Variants in HTR3D observed in about 807,000 individuals in gnomAD.
HTR3D encodes 5-hydroxytryptamine (serotonin) receptor 3 family member D.
A neutral mutation model predicts 45.8 loss-of-function variants in HTR3D; 47 were observed. The observed-to-expected ratio is 1.03, with a 90% CI of 0.81 to 1.31. HTR3D has a LOEUF of 1.31. Ranked by LOEUF, HTR3D falls within the 50% of genes most tolerant of loss-of-function variation. The pLI, the probability that HTR3D is intolerant of heterozygous loss-of-function variation, is 0.00. For missense variants in HTR3D, 448 were observed against 506.9 expected (o/e 0.88, Z 1.12); for synonymous variants, 203 against 199.8 (o/e 1.02, Z -0.13).
Position 184,039,089 on chromosome 3 carries a change from A to G in HTR3D, c.*114A>G. The G allele has an allele frequency of 8.8e-7, 1 of 1,139,670 alleles. No homozygotes were observed. The allele number at this position is 1,139,670 out of a possible 1,614,324, so 70.6% of individuals were successfully genotyped here. On this transcript the variant is annotated 3_prime_UTR_variant, in exon 8 of 8. Transcript: ENST00000428798. ...CTGTCAACCGCCTCATTTTTAACCC[A>G]GTCCTCTGTGTAGTTTCAGACCAGA...
In HTR3D at chr3:184,039,250, A is replaced by G. The variant is rs531967722; in HGVS notation, c.*275A>G. 6.0e-5 allele frequency: 22 copies of G among 367,242 alleles called. No individual in the cohort carries two copies. The highest frequency in any genetic ancestry group is 2.9e-4 in the African/African-American group (14 of 47,868). The allele number at this position is 367,242 out of a possible 1,614,324, so 22.7% of individuals were successfully genotyped here. On this transcript the variant is annotated 3_prime_UTR_variant, in exon 8 of 8. Transcript: ENST00000428798. ...GTACGTCCTTGATTAAATCACCCCA[A>G]TATGCCCCTTTGCAGAAAGTATTGG...
chr3:184,037,247 C>T (rs975340202), intron 5 of HTR3D, among the ~76,000 whole-genome samples: 2 of 152,004 alleles, frequency 1.3e-5, no homozygotes, highest in Non-Finnish European at 1.5e-5. Context: ...ACCACGTTCA[C>T]CAGGCCGGTC....
Position 184,038,960 on chromosome 3 carries a change from C to G in HTR3D, c.1200C>G (p.Cys400Trp). 6.2e-7 allele frequency: 1 copy of G among 1,614,144 alleles called. No homozygotes were observed. Among genetic ancestry groups the G allele is most frequent in the Non-Finnish European group, 8.5e-7 (1 of 1,180,000 alleles). The change falls in exon 8 of 8, where the codon TGC (cysteine) becomes TGG (tryptophan). Residue 400 changes from cysteine to tryptophan, a missense_variant. Cys to Trp is a radical substitution (Grantham distance 215, BLOSUM62 -2). Transcript: ENST00000428798. The surrounding 1 kb of genome is among the most constrained non-coding windows in gnomAD (Gnocchi z 4.5). ...FMASSIITVI[C>W]LWNT ...CCTCCTCCATCATCACCGTCATATG[C>G]CTCTGGAACACCTAGGCAGGTGCTC... is the stretch of plus-strand genomic sequence containing the variant.
At chr3:184,036,181 A>G in intron 3 of HTR3D, 81 bp downstream of exon 3, 3 of 1,497,076 alleles carry the variant, frequency 2.0e-6, no homozygotes, top group Non-Finnish European at 2.7e-6. Flanking sequence ...CCACACAAAG[A>G]CTCAACTTAG....
At position 184,038,452 on chromosome 3, in the gene HTR3D, G is replaced by A. The variant is rs1201720522; in HGVS notation, c.813G>A (p.Leu271=). The change falls in exon 7 of 8, where the codon CTG becomes CTA. Residue 271 remains leucine, a synonymous_variant. Coordinates refer to ENST00000428798, the MANE Select transcript of HTR3D (RefSeq NM_001145143.1). The surrounding 1 kb of genome is among the most constrained non-coding windows in gnomAD (Gnocchi z 4.5). ...GCCTGTCCCTGATGGTGGGCAGCCT[G>A]CTGGAGACCATCTTCATCACCCACC... ...ALCLSLMVGS[L]LETIFITHLL... The A allele has an allele frequency of 4.3e-6, 7 of 1,614,090 alleles. No homozygotes were observed. Among genetic ancestry groups the A allele is most frequent in the Non-Finnish European group, 5.1e-6 (6 of 1,180,002 alleles).
upstream of HTR3D, chr3:184,031,601 T>C (rs1184316087): frequency 3.2e-6 from 2 of 620,360 alleles, no homozygotes; most frequent in Non-Finnish European, 5.9e-6. Context: ...CATTCTTTTG[T>C]CACCAAGGGG....
Position 184,031,826 on chromosome 3 carries a change from A to G in HTR3D, c.66+19A>G. On this transcript the variant is annotated intron_variant, in intron 1 of 7. Coordinates refer to ENST00000428798, the MANE Select transcript of HTR3D (RefSeq NM_001145143.1). ...GCTGCAAGTACCTTAAGATAAGAGC[A>G]AGAGCTGAGCAGACATGTAACTCCT... 6 of 1,537,890 alleles carry G rather than the reference A, an allele frequency of 3.9e-6. No individual in the cohort carries two copies. Among genetic ancestry groups the G allele is most frequent in the Non-Finnish European group, 4.4e-6 (5 of 1,134,484 alleles).
rs1291322033 is a variant in HTR3D at position 184,038,292 on chromosome 3, G to A, written c.769+19G>A. 2 of 1,613,342 alleles carry A rather than the reference G, an allele frequency of 1.2e-6. No homozygotes were observed. The highest frequency in any genetic ancestry group is 1.1e-5 in the South Asian group (1 of 91,076). ...AAGCGAGGTGTGTGTTGGATGGGGA[G>A]AGGGATGGGCAGAACCAGGCGAAGT... On this transcript the variant is annotated intron_variant, in intron 6 of 7. Coordinates refer to ENST00000428798, the MANE Select transcript of HTR3D (RefSeq NM_001145143.1). This position sits in a 1 kb window ranked among gnomAD's most constrained non-coding sequence, Gnocchi z 4.5.
intron 5 of HTR3D, among the ~76,000 whole-genome samples, chr3:184,037,448 C>T (rs1722940791): frequency 6.6e-6 from 1 of 152,170 alleles, no homozygotes; most frequent in African/African-American, 2.4e-5. Context: ...GGCTCTATGC[C>T]AGTGATTCAT....
At chr3:184,033,119 A>AT (rs879211143) in intron 1 of HTR3D, 47,752 of 904,284 alleles carry the variant, frequency 0.053, 7 homozygotes, top group Non-Finnish European at 0.058. Flanking sequence ...CTCTGACTGG[A>AT]TTTTTTTTTT....
chr3:184,038,437 G>C lies in HTR3D; in HGVS notation c.798G>C (p.Leu266=). Residue 266 remains leucine (L), a synonymous_variant, in exon 7 of 8, where the codon CTG becomes CTC. Coordinates refer to ENST00000428798, the MANE Select transcript of HTR3D (RefSeq NM_001145143.1). The surrounding 1 kb of genome is among the most constrained non-coding windows in gnomAD (Gnocchi z 4.5). ...TCTACTTCGCCCTGTGCCTGTCCCT[G>C]ATGGTGGGCAGCCTGCTGGAGACCA... is the stretch of plus-strand genomic sequence containing the variant. ...RGVYFALCLS[L]MVGSLLETIF... 6.2e-7 allele frequency: 1 copy of C among 1,614,122 alleles called. No individual in the cohort carries two copies.
chr3:184,038,152 G>A lies in HTR3D; in HGVS notation c.648G>A (p.Lys216=), dbSNP rs1201565813. 6.2e-7 allele frequency: 1 copy of A among 1,614,174 alleles called. No homozygotes were observed. The highest frequency in any genetic ancestry group is 8.5e-7 in the Non-Finnish European group (1 of 1,180,024). Residue 216 remains lysine, a synonymous_variant, in exon 6 of 8, where the codon AAG becomes AAA. Transcript: ENST00000428798. This position sits in a 1 kb window ranked among gnomAD's most constrained non-coding sequence, Gnocchi z 4.5. ...PLESGNCAPF[K]MTVLLGYSVF... The stretch of plus-strand genomic sequence containing the variant: ...AAAGTGGGAATTGTGCCCCATTCAA[G>A]ATGACTGTTCTGCTGGGCTACAGCG...
intron 5 of HTR3D, 62 bp from the exon 6 acceptor site, chr3:184,037,959 T>G (rs1722954944): frequency 6.3e-7 from 1 of 1,580,610 alleles, no homozygotes; most frequent in African/African-American, 1.3e-5. Context: ...GTTCTTACTC[T>G]TACCTGTCTT....
upstream of HTR3D, chr3:184,031,569 AG>A: frequency 1.7e-6 from 1 of 577,088 alleles, no homozygotes; most frequent in Non-Finnish European, 3.2e-6. Context: ...GTTAAAGCAC[AG>A]GGTGAGTTAT....
chr3:184,032,242 C>T (rs979027338), intron 1 of HTR3D, among the ~76,000 whole-genome samples: 11 of 152,324 alleles, frequency 7.2e-5, no homozygotes, highest in Non-Finnish European at 1.2e-4. Context: ...GATCTGCCCG[C>T]GTGGGCCTCC....
chr3:184,035,275 C>T, intron 2 of HTR3D, 53 bp downstream of exon 2: 1 of 1,449,556 alleles, frequency 6.9e-7, no homozygotes, highest in Non-Finnish European at 9.5e-7. Flanking sequence ...CTCTTTTTTC[C>T]ACTCCTAGGT....
rs1037104042 is a variant in HTR3D at position 184,038,721 on chromosome 3, T to C, written c.986-25T>C. 6.4e-7 allele frequency: 1 copy of C among 1,565,462 alleles called. No homozygotes were observed. The highest frequency in any genetic ancestry group is 8.7e-7 in the Non-Finnish European group (1 of 1,154,136). On this transcript the variant is annotated intron_variant, in intron 7 of 7. Transcript: ENST00000428798. This position sits in a 1 kb window ranked among gnomAD's most constrained non-coding sequence, Gnocchi z 4.5. The stretch of plus-strand genomic sequence containing the variant: ...CTCCACAGGTGACATTTGCAGCCCA[T>C]GGCTGAGTCTCTGTCTTTCTGTAGG...
At position 184,036,862 on chromosome 3, in the gene HTR3D, T is replaced by C. The variant is rs1407978352; in HGVS notation, c.482T>C (p.Val161Ala). The C allele has an allele frequency of 6.4e-7, 1 of 1,551,576 alleles. No homozygotes were observed. Among genetic ancestry groups the C allele is most frequent in the South Asian group, 1.2e-5 (1 of 84,062 alleles). ...CAAAAAAGAACAATAAAGGTGACCG[T>C]GGCCACTAACCAGTATGAACAAGCC... ...GIQKRTIKVT[V>A]ATNQYEQAIF... is the part of the protein sequence containing the mutation. The change falls in exon 5 of 8, where the codon GTG becomes GCG. Residue 161 changes from valine to alanine, a missense_variant. Coordinates refer to ENST00000428798, the MANE Select transcript of HTR3D (RefSeq NM_001145143.1).
At chr3:184,037,917 T>C in intron 5 of HTR3D, 104 bp from the exon 6 acceptor site, 1 of 1,414,160 alleles carries the variant, frequency 7.1e-7, no homozygotes, top group African/African-American at 1.4e-5. Flanking sequence ...TAATATTTCC[T>C]TACTAGACAG....
Sources: allele counts gnomAD v4.1 joint callset (sites outside exome capture counted in the v4.1 genomes callset), GRCh38; gene constraint gnomAD v4.1.1; non-coding constraint Gnocchi (gnomAD v3.1); transcripts MANE v1.5; gene names NCBI Gene and HGNC (gene_info 2026-07-23, HGNC 2026-07-21).